The following MKLN1 variants were observed in gnomAD, a reference collection of about 807,000 sequenced individuals.
MKLN1 encodes the protein muskelin 1, also known as muskelin.
In MKLN1, 18 loss-of-function variants were observed where a neutral mutation model predicts 99.0. The ratio of observed to expected loss-of-function variants is 0.18; its 90% CI spans 0.13 to 0.27. The LOEUF (loss-of-function observed/expected upper bound fraction) is 0.27, where lower values mean the gene tolerates loss of function less well. MKLN1 is among the 10% of genes least tolerant of loss of function. The pLI, the probability that MKLN1 is intolerant of heterozygous loss-of-function variation, is 1.00. For missense variants in MKLN1, 621 were observed against 875.9 expected (o/e 0.71, Z 3.67); for synonymous variants, 288 against 293.2 (o/e 0.98, Z 0.18).
chr7:131,156,133 C>T (rs890210243), intron 2 of MKLN1, among the ~76,000 whole-genome samples: 19 of 152,058 alleles, frequency 1.2e-4, no homozygotes, highest in Non-Finnish European at 4.4e-5. Context: ...AAAGTCATTG[C>T]GGGTTTTGCT....
chr7:131,325,114 GATAA>G (rs1163791237), upstream of MKLN1, among the ~76,000 whole-genome samples: 1 of 151,600 alleles, frequency 6.6e-6, no homozygotes, highest in East Asian at 1.9e-4. Context: ...TTCACTCTTT[GATAA>G]ATATTTACTG....
chr7:131,356,675 G>T (rs1026233094), intron 1 of MKLN1, among the ~76,000 whole-genome samples: 3 of 152,150 alleles, frequency 2.0e-5, no homozygotes, highest in Admixed American at 6.6e-5. Flanking sequence ...CAGTCTAGAG[G>T]TCCCCTGTAG....
At chr7:131,413,497 A>G (rs972436851) in intron 7 of MKLN1, among the ~76,000 whole-genome samples, 1 of 152,192 alleles carries the variant, frequency 6.6e-6, no homozygotes, top group Non-Finnish European at 1.5e-5. Context: ...ATATCAAGTA[A>G]GACATTAGAA....
rs1441461656 is a variant in MKLN1, at chr7:131,495,454, C to A, written c.*7726C>A. ...AAAATGTATTGATGTTAGTGATTGT[C>A]AAAATAGGTTTATCATTTAAAAAAC... On this transcript the variant is annotated 3_prime_UTR_variant, in exon 18 of 18. Transcript: ENST00000352689. 6.6e-6 allele frequency: 1 copy of A among 151,976 alleles called. No individual in the cohort carries two copies. Among genetic ancestry groups the A allele is most frequent in the Non-Finnish European group, 1.5e-5 (1 of 67,996 alleles). The allele number at this position is 151,976 out of a possible 1,614,324, so 9.4% of individuals were successfully genotyped here.
rs1797563522 is a variant in MKLN1, at chr7:131,496,439, G to A, written c.*8711G>A. Reference sequence around the variant, plus strand: ...TTATCCAATCTGTATGGACTTTTTAGGATTTTTTTTTTCTTATAGTACAAA... The same window carrying A: ...TTATCCAATCTGTATGGACTTTTTAAGATTTTTTTTTTCTTATAGTACAAA... On this transcript the variant is annotated 3_prime_UTR_variant, in exon 18 of 18. Coordinates refer to ENST00000352689, the MANE Select transcript of MKLN1 (RefSeq NM_013255.5). 1 of 151,708 alleles carries A rather than the reference G, an allele frequency of 6.6e-6. No individual in the cohort carries two copies. Among genetic ancestry groups the A allele is most frequent in the African/African-American group, 2.4e-5 (1 of 41,196 alleles). The allele number at this position is 151,708 out of a possible 1,614,324, so 9.4% of individuals were successfully genotyped here. A position where few individuals can be genotyped will look rare whatever the true frequency, so the allele number is the denominator to read the frequency against.
chr7:131,441,153 A>C (rs1273462834), intron 10 of MKLN1, among the ~76,000 whole-genome samples: 1 of 152,212 alleles, frequency 6.6e-6, no homozygotes, highest in Non-Finnish European at 1.5e-5. Context: ...CTAGCCAAGA[A>C]GTAGCAGGAA....
At chr7:131,474,434 G>A (rs769753382) in intron 16 of MKLN1, among the ~76,000 whole-genome samples, 1 of 152,138 alleles carries the variant, frequency 6.6e-6, no homozygotes, top group East Asian at 1.9e-4. Flanking sequence ...AGATGTTGAG[G>A]TGACTGTTGG....
At chr7:131,206,853 T>TGG (rs1563252344) in intron 3 of MKLN1, among the ~76,000 whole-genome samples, 2 of 151,774 alleles carry the variant, frequency 1.3e-5, no homozygotes, top group African/African-American at 4.8e-5. Flanking sequence ...CCCATGCCCT[T>TGG]CCTTACTATA....
rs902227405 is a variant in MKLN1, at chr7:131,493,781, G to A, written c.*6053G>A. 6.6e-6 allele frequency: 1 copy of A among 152,114 alleles called. No individual in the cohort carries two copies. The highest frequency in any genetic ancestry group is 2.4e-5 in the African/African-American group (1 of 41,416). 9.4% of individuals were successfully genotyped at this position (152,114 alleles called of 1,614,324 possible). ...TGCAACATAGCTCTGTACCATCTGG[G>A]ATGCTAGCAGTCACAGCAGTTAGCT... On this transcript the variant is annotated 3_prime_UTR_variant, in exon 18 of 18. Transcript: ENST00000352689.
chr7:131,190,892 G>A (rs1005385546), intron 2 of MKLN1, among the ~76,000 whole-genome samples: 2 of 152,162 alleles, frequency 1.3e-5, no homozygotes, highest in South Asian at 4.1e-4. Context: ...AAGCAACTCA[G>A]GCAGGTCTGT....
At chr7:131,257,712 AGAG>A (rs1055949570) in intron 3 of MKLN1, among the ~76,000 whole-genome samples, 4 of 151,866 alleles carry the variant, frequency 2.6e-5, no homozygotes, top group African/African-American at 4.8e-5. Flanking sequence ...AGGAGGAAGG[AGAG>A]GAGAAGGGAG....
chr7:131,480,247 G>T (rs1445106849), intron 17 of MKLN1, among the ~76,000 whole-genome samples: 1 of 152,100 alleles, frequency 6.6e-6, no homozygotes, highest in Non-Finnish European at 1.5e-5. Context: ...ATTTGCCTTA[G>T]AGTTGAGCAA....
intron 1 of MKLN1, among the ~76,000 whole-genome samples, chr7:131,332,797 T>G (rs773058879): frequency 1.5e-4 from 23 of 152,216 alleles, no homozygotes; most frequent in Non-Finnish European, 3.1e-4. Flanking sequence ...AGGGTCTTGC[T>G]CTGTCACCCA....
chr7:131,350,578 C>G (rs2116761207), intron 1 of MKLN1, among the ~76,000 whole-genome samples: 1 of 152,252 alleles, frequency 6.6e-6, no homozygotes, highest in African/African-American at 2.4e-5. Flanking sequence ...TGATTGTTGG[C>G]AGGATTCAGT....
intron 3 of MKLN1, among the ~76,000 whole-genome samples, chr7:131,264,670 A>G (rs570917544): frequency 6.6e-6 from 1 of 151,450 alleles, no homozygotes; most frequent in Admixed American, 6.6e-5. Flanking sequence ...CTTTTTAGTT[A>G]TTATTGCTTA....
At chr7:131,125,669 G>A (rs920800335) in intron 1 of MKLN1, among the ~76,000 whole-genome samples, 4 of 152,094 alleles carry the variant, frequency 2.6e-5, no homozygotes, top group Non-Finnish European at 4.4e-5. Context: ...TCAGGAGTTC[G>A]AGACCAGCCT....
chr7:131,223,829 C>T (rs974104232), intron 3 of MKLN1, among the ~76,000 whole-genome samples: 30 of 152,028 alleles, frequency 2.0e-4, no homozygotes, highest in Admixed American at 1.4e-3. Context: ...TACAGTGGTG[C>T]GATCTCGGCT....
At chr7:131,198,917 T>C (rs929422660) in intron 2 of MKLN1, among the ~76,000 whole-genome samples, 1 of 152,190 alleles carries the variant, frequency 6.6e-6, no homozygotes, top group African/African-American at 2.4e-5. Context: ...CAACTTACTC[T>C]TAGGCAACTA....
chr7:131,455,453 T>G (rs973599256), intron 12 of MKLN1, among the ~76,000 whole-genome samples: 4 of 152,242 alleles, frequency 2.6e-5, no homozygotes, highest in African/African-American at 4.8e-5. Flanking sequence ...GGATTATCAT[T>G]GTAACTTCCT....
Sources: allele counts gnomAD v4.1 joint callset (sites outside exome capture counted in the v4.1 genomes callset), GRCh38; gene constraint gnomAD v4.1.1; transcripts MANE v1.5; gene names NCBI Gene and HGNC (gene_info 2026-07-23, HGNC 2026-07-21).